Variants in NEDD4 observed in about 807,000 individuals in gnomAD.
NEDD4 encodes the protein NEDD4 E3 ubiquitin protein ligase.
Under a neutral mutation model 144.9 loss-of-function variants are expected in NEDD4, and 99 were observed. That is an observed-to-expected ratio of 0.68 (90% confidence interval 0.58 to 0.81). The LOEUF (loss-of-function observed/expected upper bound fraction) is 0.81, where lower values mean the gene tolerates loss of function less well. NEDD4 is among the 30% of genes least tolerant of loss of function. The pLI, the probability that NEDD4 is intolerant of heterozygous loss-of-function variation, is 0.00. For missense variants in NEDD4, 985 were observed against 1,065.9 expected (o/e 0.92, Z 1.06); for synonymous variants, 318 against 350.6 (o/e 0.91, Z 1.04).
rs1261287163 is a variant in NEDD4, at chr15:55,833,115, T to C, written c.2431-11A>G. 1 of 1,560,620 alleles carries C rather than the reference T, an allele frequency of 6.4e-7. No homozygotes were observed. The highest frequency in any genetic ancestry group is 2.2e-5 in the East Asian group (1 of 44,608). On this transcript the variant is annotated splice_polypyrimidine_tract_variant and intron_variant, in intron 26 of 28. Coordinates refer to ENST00000435532, the MANE Select transcript of NEDD4 (RefSeq NM_006154.4). ...CATCATTAAAACAGCCTGAATAAGA[T>C]AAAAACATCATTTAGGGAACAGCAC...
intron 4 of NEDD4, among the ~76,000 whole-genome samples, chr15:55,935,298 C>A (rs1177301730): frequency 2.0e-5 from 3 of 152,140 alleles, no homozygotes; most frequent in African/African-American, 4.8e-5. Context: ...TTACTTACTG[C>A]TCCACTGATG....
At chr15:55,852,319 G>T in intron 13 of NEDD4, 105 bp downstream of exon 13, 3 of 1,237,188 alleles carry the variant, frequency 2.4e-6, no homozygotes, top group Admixed American at 2.7e-5. Context: ...AAAAAAAGAA[G>T]GTGGTAGAAG....
intron 5 of NEDD4, among the ~76,000 whole-genome samples, chr15:55,889,167 T>C (rs1566934527): frequency 2.0e-5 from 3 of 152,172 alleles, no homozygotes; most frequent in East Asian, 3.9e-4. Context: ...AGACAGCCCA[T>C]AGATTGGAAG....
At chr15:55,924,765 T>A in intron 4 of NEDD4, 66 bp from the exon 5 acceptor site, 3 of 1,468,152 alleles carry the variant, frequency 2.0e-6, no homozygotes, top group Non-Finnish European at 1.9e-6. Flanking sequence ...CAGAAATAAA[T>A]GCTTAAAGAT....
intron 5 of NEDD4, among the ~76,000 whole-genome samples, chr15:55,885,527 T>C (rs1215337602): frequency 2.0e-5 from 3 of 151,914 alleles, no homozygotes; most frequent in African/African-American, 4.8e-5. Context: ...AAGATATAAA[T>C]AGAAATAAAA....
At chr15:55,985,771 A>ACT (rs1355306014) in intron 1 of NEDD4, among the ~76,000 whole-genome samples, 2 of 151,876 alleles carry the variant, frequency 1.3e-5, no homozygotes, top group Non-Finnish European at 2.9e-5. Flanking sequence ...ACACACACAC[A>ACT]CACACACACA....
intron 5 of NEDD4, among the ~76,000 whole-genome samples, chr15:55,910,803 T>C (rs1220265677): frequency 6.6e-6 from 1 of 152,192 alleles, no homozygotes; most frequent in African/African-American, 2.4e-5. Flanking sequence ...GTTCATAACA[T>C]CACTGTTAAC....
chr15:55,830,459 A>G, intron 28 of NEDD4, 55 bp downstream of exon 28: 2 of 1,480,996 alleles, frequency 1.4e-6, no homozygotes, highest in Non-Finnish European at 1.9e-6. Context: ...CTAGACTAAC[A>G]GAGGAATCTC....
At chr15:55,993,417 A>G in intron 1 of NEDD4, 94 bp downstream of exon 1, 1 of 1,463,900 alleles carries the variant, frequency 6.8e-7, no homozygotes, top group Non-Finnish European at 9.3e-7. Flanking sequence ...CTGACAGCAG[A>G]GCCTCCGGTC....
intron 4 of NEDD4, among the ~76,000 whole-genome samples, chr15:55,939,544 C>T (rs1400547643): frequency 1.3e-5 from 2 of 151,884 alleles, no homozygotes; most frequent in Admixed American, 1.3e-4. Context: ...GAACCAAGGA[C>T]TTCAACAGAC....
At chr15:55,832,829 G>T (rs766867841) in intron 27 of NEDD4, among the ~76,000 whole-genome samples, 179 bp downstream of exon 27, 33 of 152,260 alleles carry the variant, frequency 2.2e-4, no homozygotes, top group Non-Finnish European at 3.7e-4. Context: ...TATCTGATTA[G>T]AAGGTGTAAA....
rs375422609 is a variant in NEDD4, at chr15:55,988,963, C to T, written c.45+4548G>A. On this transcript the variant is annotated intron_variant, in intron 1 of 28. Transcript: ENST00000435532. ...AAATAATTTTAAAATAGGACGGGCG[C>T]GGTGCCTCACGCCTATAATCCCAGC... Among the ~76,000 whole-genome samples, 66 of 152,274 alleles carry T rather than the reference C, an allele frequency of 4.3e-4. 2 individuals are homozygous for T. The East Asian group carries it at 4.4e-3, about 10-fold the overall frequency.
At chr15:55,849,625 G>C (rs1053324512) in intron 14 of NEDD4, among the ~76,000 whole-genome samples, 2 of 151,734 alleles carry the variant, frequency 1.3e-5, no homozygotes, top group African/African-American at 4.8e-5. Flanking sequence ...GTTATCAAAG[G>C]CCAATTCAGA....
intron 1 of NEDD4, among the ~76,000 whole-genome samples, chr15:55,985,321 A>G (rs2037872352): frequency 1.3e-5 from 2 of 152,232 alleles, no homozygotes; most frequent in African/African-American, 4.8e-5. Flanking sequence ...ACAGAGGTGC[A>G]TGGTTGGCAT....
At chr15:55,907,915 C>T (rs1395004039) in intron 5 of NEDD4, among the ~76,000 whole-genome samples, 3 of 152,144 alleles carry the variant, frequency 2.0e-5, no homozygotes, top group Non-Finnish European at 2.9e-5. Context: ...AATATGTAGG[C>T]TATGAATCAG....
intron 8 of NEDD4, among the ~76,000 whole-genome samples, chr15:55,865,335 C>G (rs1475443309): frequency 6.6e-6 from 1 of 151,914 alleles, no homozygotes; most frequent in Non-Finnish European, 1.5e-5. Flanking sequence ...TACCTCATGC[C>G]TTATATCAGG....
At chr15:55,948,963 T>C (rs1233122733) in intron 4 of NEDD4, among the ~76,000 whole-genome samples, 1 of 152,176 alleles carries the variant, frequency 6.6e-6, no homozygotes, top group African/African-American at 2.4e-5. Flanking sequence ...TGGGATCTAA[T>C]TAAACTAAAG....
chr15:55,913,151 G>A (rs985454640), intron 5 of NEDD4, among the ~76,000 whole-genome samples: 4 of 151,962 alleles, frequency 2.6e-5, no homozygotes, highest in Admixed American at 6.6e-5. Context: ...TTAATTTCAC[G>A]GCTGCTCAGT....
chr15:55,871,242 T>C (rs1035784184), intron 7 of NEDD4, among the ~76,000 whole-genome samples: 10 of 152,234 alleles, frequency 6.6e-5, no homozygotes, highest in Non-Finnish European at 1.3e-4. Flanking sequence ...CAGACAATGT[T>C]TTGTTGAAAA....
Sources: allele counts gnomAD v4.1 joint callset (sites outside exome capture counted in the v4.1 genomes callset), GRCh38; gene constraint gnomAD v4.1.1; transcripts MANE v1.5; gene names NCBI Gene and HGNC (gene_info 2026-07-23, HGNC 2026-07-21).